COL25A1: variants seen among roughly 807,000 people sequenced by gnomAD.
COL25A1 encodes collagen type XXV alpha 1 chain, also known as collagen alpha-1(XXV) chain.
A neutral mutation model predicts 128.4 loss-of-function variants in COL25A1; 103 were observed. That is an observed-to-expected ratio of 0.80 (90% CI 0.68 to 0.94). The LOEUF is 0.94. COL25A1 is among the 40% of genes least tolerant of loss of function. COL25A1 has a pLI of 0.00. For synonymous variants in COL25A1, 279 were observed against 277.2 expected (o/e 1.01, Z -0.06); for missense variants, 745 against 840.0 (o/e 0.89, Z 1.40).
At chr4:109,197,493 TA>T (rs1364518823) in intron 3 of COL25A1, among the ~76,000 whole-genome samples, 31 of 127,722 alleles carry the variant, frequency 2.4e-4, no homozygotes, top group African/African-American at 6.4e-4. Context: ...ATATTATATA[TA>T]AATATATATT....
intron 13 of COL25A1, among the ~76,000 whole-genome samples, chr4:108,914,652 CTTTT>C (rs386401119): frequency 1.5e-4 from 15 of 98,550 alleles, no homozygotes; most frequent in African/African-American, 5.3e-4. Flanking sequence ...TTTGCTGAAA[CTTTT>C]TTTTTTTTTT....
At position 109,134,134 on chromosome 4, in the gene COL25A1, T is replaced by C. The variant is rs753377600; in HGVS notation, c.368-83955A>G. ...GTGTTCAAAAATGACGAGTTCCACA[T>C]GGCTGTGGATTAGATGAAAGGCAGA... On this transcript the variant is annotated intron_variant, in intron 3 of 37. Transcript: ENST00000399132. 1.2e-4 allele frequency among the ~76,000 whole-genome samples: 18 copies of C among 150,524 alleles called. No homozygotes were observed. In the Middle Eastern group the frequency reaches 0.018, roughly 149 times the overall value.
At chr4:108,995,175 TG>T (rs1754639525) in intron 6 of COL25A1, among the ~76,000 whole-genome samples, 1 of 152,154 alleles carries the variant, frequency 6.6e-6, no homozygotes, top group Non-Finnish European at 1.5e-5. Flanking sequence ...TTCTCCGAGC[TG>T]AAGGAGCATA....
chr4:108,881,335 G>A (rs377426559), intron 19 of COL25A1, among the ~76,000 whole-genome samples: 2 of 152,084 alleles, frequency 1.3e-5, no homozygotes, highest in Admixed American at 6.5e-5. Context: ...ACCATTCCCC[G>A]AGAGCAACAG....
At chr4:109,031,395 C>T (rs1201649566) in intron 5 of COL25A1, among the ~76,000 whole-genome samples, 7 of 152,064 alleles carry the variant, frequency 4.6e-5, no homozygotes, top group South Asian at 2.1e-4. Flanking sequence ...GGATTACAGG[C>T]GTGAGCCACC....
intron 3 of COL25A1, among the ~76,000 whole-genome samples, chr4:109,194,528 C>T (rs577081727): frequency 6.6e-6 from 1 of 152,076 alleles, no homozygotes; most frequent in Admixed American, 6.5e-5. Flanking sequence ...GTCATCCTTA[C>T]CCCATGGAGT....
Position 109,122,277 on chromosome 4 carries a change from G to A in COL25A1, c.368-72098C>T, listed in dbSNP as rs141939330. Among the ~76,000 whole-genome samples the A allele has an allele frequency of 6.9e-3, 1,052 of 152,132 alleles. 10 individuals are homozygous for A. Among genetic ancestry groups the A allele is most frequent in the Non-Finnish European group, 0.011 (777 of 67,954 alleles). ...AACCCTAATGTAAACTATGGACTCCGGGTGATAATGATGTGTCAGAGTCAG... is the reference window on the plus strand; with the variant it reads ...AACCCTAATGTAAACTATGGACTCCAGGTGATAATGATGTGTCAGAGTCAG... On this transcript the variant is annotated intron_variant, in intron 3 of 37. Coordinates refer to ENST00000399132, the MANE Select transcript of COL25A1 (RefSeq NM_198721.4).
intron 13 of COL25A1, among the ~76,000 whole-genome samples, chr4:108,910,669 A>T (rs986641723): frequency 6.6e-6 from 1 of 152,164 alleles, no homozygotes; most frequent in Admixed American, 6.6e-5. Context: ...CTCTGTCACT[A>T]ACACCTGGGT....
At chr4:109,136,223 C>T (rs185836348) in intron 3 of COL25A1, among the ~76,000 whole-genome samples, 1 of 152,032 alleles carries the variant, frequency 6.6e-6, no homozygotes. Context: ...CATGGTGAAA[C>T]CCTGTCTCTA....
chr4:109,089,674 C>T (rs551792774), intron 3 of COL25A1, among the ~76,000 whole-genome samples: 32 of 152,154 alleles, frequency 2.1e-4, no homozygotes, highest in African/African-American at 7.2e-4. Context: ...GGCATGATCT[C>T]GGCTCACTGA....
intron 3 of COL25A1, among the ~76,000 whole-genome samples, chr4:109,079,362 T>C (rs1763642113): frequency 6.6e-6 from 1 of 152,226 alleles, no homozygotes. Flanking sequence ...TAGTGTTTAG[T>C]ATTAACTGAA....
At position 109,166,427 on chromosome 4, in the gene COL25A1, T is replaced by C. The variant is rs1773080397; in HGVS notation, c.368-116248A>G. 3.3e-5 allele frequency among the ~76,000 whole-genome samples: 5 copies of C among 152,228 alleles called. No individual in the cohort carries two copies. In the South Asian group the frequency reaches 8.3e-4, roughly 25 times the overall value. On this transcript the variant is annotated intron_variant, in intron 3 of 37. Coordinates refer to ENST00000399132, the MANE Select transcript of COL25A1 (RefSeq NM_198721.4). ...AACCAAATAAGTGTCATTTTCCTGC[T>C]TTTATTTTGGCTGAGAATTCAACTG... is the stretch of plus-strand genomic sequence containing the variant.
chr4:108,815,870 G>A (rs1418632645), intron 37 of COL25A1, among the ~76,000 whole-genome samples: 1 of 152,102 alleles, frequency 6.6e-6, no homozygotes, highest in Non-Finnish European at 1.5e-5. Context: ...GGCTAAGAAC[G>A]ATTGCGAACC....
chr4:108,819,527 C>T (rs1375945048), intron 35 of COL25A1, among the ~76,000 whole-genome samples, 198 bp from the exon 36 acceptor site: 1 of 152,146 alleles, frequency 6.6e-6, no homozygotes, highest in African/African-American at 2.4e-5. Flanking sequence ...AAACAGTGGC[C>T]TCCTCTTTTG....
intron 13 of COL25A1, among the ~76,000 whole-genome samples, chr4:108,906,420 C>A (rs990348234): frequency 1.3e-5 from 2 of 152,156 alleles, no homozygotes; most frequent in Admixed American, 6.5e-5. Context: ...GAGTTCCCCC[C>A]ACTCCCCTAA....
At chr4:109,053,859 G>A (rs1185962158) in intron 3 of COL25A1, among the ~76,000 whole-genome samples, 2 of 152,152 alleles carry the variant, frequency 1.3e-5, no homozygotes, top group African/African-American at 4.8e-5. Context: ...ACAAATTTCT[G>A]GCTGGGTCTG....
At chr4:109,177,046 T>C (rs1473573706) in intron 3 of COL25A1, among the ~76,000 whole-genome samples, 1 of 152,232 alleles carries the variant, frequency 6.6e-6, no homozygotes, top group Non-Finnish European at 1.5e-5. Context: ...AGGAATCTAA[T>C]ATAGGTGGGG....
chr4:108,983,934 G>C (rs62314654), intron 6 of COL25A1, among the ~76,000 whole-genome samples: 19 of 152,074 alleles, frequency 1.2e-4, no homozygotes, highest in African/African-American at 4.1e-4. Context: ...GGACCCAAGC[G>C]GGTTGCCACT....
At chr4:109,019,369 C>CATAT (rs1320479600) in intron 5 of COL25A1, among the ~76,000 whole-genome samples, 1 of 9,238 alleles carries the variant, frequency 1.1e-4, no homozygotes, top group Non-Finnish European at 1.8e-4. Flanking sequence ...CACACACACA[C>CATAT]ACACACATAT....
Sources: allele counts gnomAD v4.1 joint callset (sites outside exome capture counted in the v4.1 genomes callset), GRCh38; gene constraint gnomAD v4.1.1; transcripts MANE v1.5; gene names NCBI Gene and HGNC (gene_info 2026-07-23, HGNC 2026-07-21).